Variants in CPSF3 observed in about 807,000 individuals in gnomAD.
CPSF3 encodes cleavage and polyadenylation specificity factor subunit 3.
In CPSF3, 57 loss-of-function variants were observed where a neutral mutation model predicts 84.1. That is an observed-to-expected ratio of 0.68 (90% CI 0.55 to 0.85). The LOEUF is 0.85. CPSF3 is among the 40% of genes least tolerant of loss of function. The probability of loss-of-function intolerance (pLI) is 0.00; values close to 1 mark genes in which losing one functional copy is unlikely to be tolerated. For synonymous variants in CPSF3, 275 were observed against 278.1 expected (o/e 0.99, Z 0.11); for missense variants, 522 against 838.8 (o/e 0.62, Z 4.66).
rs774722784 is a variant in CPSF3 at position 9,432,462 on chromosome 2, TAAAAAA to T, written c.342-48_342-43del. ...AATTTCTTTGTGTTCAAAGGCTTTT[TAAAAAA>T]TCTGACTCTTAATTGTTTTTGCTGG... is the stretch of plus-strand genomic sequence containing the variant. On this transcript the variant is annotated intron_variant, in intron 4 of 17. Coordinates refer to ENST00000238112, the MANE Select transcript of CPSF3 (RefSeq NM_016207.4). 47 of 1,358,790 alleles carry T rather than the reference TAAAAAA, an allele frequency of 3.5e-5. No individual in the cohort carries two copies. The African/African-American group carries it at 6.8e-4, about 20-fold the overall frequency. 84.2% of individuals were successfully genotyped at this position (1,358,790 alleles called of 1,614,324 possible). A position where few individuals can be genotyped will look rare whatever the true frequency, so the allele number is the denominator to read the frequency against.
intron 7 of CPSF3, among the ~76,000 whole-genome samples, chr2:9,436,828 C>T (rs531051567): frequency 1.1e-3 from 155 of 141,478 alleles, no homozygotes; most frequent in Non-Finnish European, 2.1e-3. Flanking sequence ...CCCAGGAAAA[C>T]AGCAACTCTC....
chr2:9,437,410 C>G (rs1411845132), intron 7 of CPSF3, among the ~76,000 whole-genome samples: 1 of 151,508 alleles, frequency 6.6e-6, no homozygotes, highest in Admixed American at 6.6e-5. Flanking sequence ...TCAAAACAAA[C>G]AAACAAACAA....
intron 8 of CPSF3, 132 bp from the exon 9 acceptor site, chr2:9,441,686 T>C (rs1483583931): frequency 2.2e-6 from 2 of 912,650 alleles, no homozygotes; most frequent in Admixed American, 5.6e-5. Context: ...ACTTAAAATG[T>C]TTACAGATCT....
At chr2:9,462,124 G>A (rs963873462) in intron 15 of CPSF3, among the ~76,000 whole-genome samples, 1 of 152,158 alleles carries the variant, frequency 6.6e-6, no homozygotes, top group Admixed American at 6.5e-5. Context: ...GTGACGTGGG[G>A]AAGAGGGTTA....
intron 7 of CPSF3, among the ~76,000 whole-genome samples, chr2:9,439,841 GTATGGTAGCACACTCC>G (rs1211361474): frequency 6.6e-6 from 1 of 151,960 alleles, no homozygotes; most frequent in African/African-American, 2.4e-5. Flanking sequence ...AATTAGCCAA[GTATGGTAGCACACTCC>G]TGTAGTCACA....
At chr2:9,455,852 G>A (rs944757156) in intron 13 of CPSF3, 95 bp downstream of exon 13, 3 of 849,228 alleles carry the variant, frequency 3.5e-6, no homozygotes, top group African/African-American at 3.5e-5. Context: ...TTTGATAATT[G>A]TCTCAGAATT....
At chr2:9,450,750 T>C (rs1440481574) in intron 11 of CPSF3, among the ~76,000 whole-genome samples, 1 of 152,196 alleles carries the variant, frequency 6.6e-6, no homozygotes, top group African/African-American at 2.4e-5. Context: ...ATCATGCCAC[T>C]GCACTCCAGC....
intron 16 of CPSF3, 66 bp from the exon 17 acceptor site, chr2:9,471,277 T>G (rs1436363900): frequency 1.0e-6 from 1 of 978,778 alleles, no homozygotes; most frequent in Middle Eastern, 2.1e-4. Context: ...ATCTTCAGTT[T>G]TATTTTTTCC....
intron 11 of CPSF3, among the ~76,000 whole-genome samples, chr2:9,449,182 C>G (rs562251166): frequency 1.3e-5 from 2 of 151,584 alleles, no homozygotes; most frequent in East Asian, 3.9e-4. Context: ...AGTTGGAGAC[C>G]AACCTGGCCA....
chr2:9,440,436 G>T, intron 7 of CPSF3, 55 bp from the exon 8 acceptor site: 2 of 1,413,322 alleles, frequency 1.4e-6, no homozygotes, highest in South Asian at 2.5e-5. Flanking sequence ...TTTGTTATTT[G>T]AACTGTTTAC....
chr2:9,426,252 G>A (rs533573318), intron 1 of CPSF3, among the ~76,000 whole-genome samples: 1 of 152,294 alleles, frequency 6.6e-6, no homozygotes, highest in African/African-American at 2.4e-5. Context: ...GCTGGGTTGT[G>A]GCTTGCTGTG....
At chr2:9,425,000 G>T (rs1426465984) in intron 1 of CPSF3, 1 of 152,184 alleles carries the variant, frequency 6.6e-6, no homozygotes, top group Non-Finnish European at 1.5e-5. Context: ...AAGAACGCAG[G>T]CAGGCATTGC....
chr2:9,462,419 TGTGACTACAAG>T lies in CPSF3; in HGVS notation c.1786+2804_1786+2814del, dbSNP rs1455863403. Among the ~76,000 whole-genome samples, 6 of 152,250 alleles carry T rather than the reference TGTGACTACAAG, an allele frequency of 3.9e-5. No homozygotes were observed. The East Asian group carries it at 1.2e-3, about 29-fold the overall frequency. On this transcript the variant is annotated intron_variant, in intron 15 of 17. Coordinates refer to ENST00000238112, the MANE Select transcript of CPSF3 (RefSeq NM_016207.4). ...CTTTTTTAGGCCGGTTAGGATGTTG[TGTGACTACAAG>T]GTCTTTGGTGATGTTTAGTGTCTGA...
chr2:9,444,142 A>T (rs1180831441), intron 10 of CPSF3, among the ~76,000 whole-genome samples: 2 of 118,012 alleles, frequency 1.7e-5, no homozygotes, highest in Non-Finnish European at 3.3e-5. Context: ...TATATATATT[A>T]TATATATATA....
intron 11 of CPSF3, among the ~76,000 whole-genome samples, chr2:9,451,379 C>T (rs558576954): frequency 1.3e-5 from 2 of 152,286 alleles, no homozygotes; most frequent in South Asian, 2.1e-4. Flanking sequence ...GCTGTTTGCC[C>T]TTACTTGCTT....
In CPSF3 at chr2:9,444,160, T is replaced by TATATATA. The variant is rs1460239502; in HGVS notation, c.1242+499_1242+500insATATATA. Among the ~76,000 whole-genome samples the TATATATA allele has an allele frequency of 4.0e-3, 459 of 115,756 alleles. 1 individual carries two copies. Among genetic ancestry groups the TATATATA allele is most frequent in the Middle Eastern group, 0.01 (2 of 198 alleles). 75.9% of individuals were successfully genotyped at this position (115,756 alleles called of 152,430 possible). A position where few individuals can be genotyped will look rare whatever the true frequency, so the allele number is the denominator to read the frequency against. On this transcript the variant is annotated intron_variant, in intron 10 of 17. Coordinates refer to ENST00000238112, the MANE Select transcript of CPSF3 (RefSeq NM_016207.4). Reference sequence around the variant, plus strand: ...ATATATTATATATATATATATATATTTTTTTTTTTTTTGAGGCGGAGTCTT... The same window carrying TATATATA: ...ATATATTATATATATATATATATATTATATATATTTTTTTTTTTTGAGGCGGAGTCTT...
Position 9,430,444 on chromosome 2 carries a change from A to G in CPSF3, c.213-308A>G, listed in dbSNP as rs1226405223. On this transcript the variant is annotated intron_variant, in intron 3 of 17. Transcript: ENST00000238112. ...ACCTCAGGGAGATATCCATGTTTCA[A>G]CTTTATTCTGTTAAAATGTTTGCTG... 3.3e-5 allele frequency among the ~76,000 whole-genome samples: 5 copies of G among 152,304 alleles called. No individual in the cohort carries two copies. In the East Asian group the frequency reaches 5.8e-4, roughly 18 times the overall value.
intron 2 of CPSF3, among the ~76,000 whole-genome samples, chr2:9,429,654 T>C (rs1158060333): frequency 6.6e-6 from 1 of 152,230 alleles, no homozygotes; most frequent in Admixed American, 6.5e-5. Context: ...TAATTCGTTG[T>C]TAGAATGACG....
chr2:9,435,085 A>G (rs1311472562), intron 6 of CPSF3, among the ~76,000 whole-genome samples: 4 of 152,206 alleles, frequency 2.6e-5, no homozygotes, highest in African/African-American at 9.6e-5. Flanking sequence ...AGTGCTTCAA[A>G]TTTTAATATG....
Sources: allele counts gnomAD v4.1 joint callset (sites outside exome capture counted in the v4.1 genomes callset), GRCh38; gene constraint gnomAD v4.1.1; transcripts MANE v1.5; gene names NCBI Gene and HGNC (gene_info 2026-07-23, HGNC 2026-07-21).